The following CAD variants were observed in gnomAD, a reference collection of about 807,000 sequenced individuals.
CAD encodes carbamoyl-phosphate synthetase 2, aspartate transcarbamylase, and dihydroorotase.
A neutral mutation model predicts 237.2 loss-of-function variants in CAD; 81 were observed. The ratio of observed to expected loss-of-function variants is 0.34; its 90% CI spans 0.29 to 0.41. The LOEUF (loss-of-function observed/expected upper bound fraction) is 0.41. Among genes scored for constraint, CAD ranks in the 10% least tolerant of loss-of-function variants. The pLI, the probability that CAD is intolerant of heterozygous loss-of-function variation, is 1.00. For missense variants in CAD, 2,181 were observed against 2,951.7 expected, an observed-to-expected ratio of 0.74 and a Z score of 6.05; for synonymous variants, 1,196 against 1,162.8, an observed-to-expected ratio of 1.03 and a Z score of -0.58.
In CAD at chr2:27,236,328, G is replaced by A. The variant is rs1405252664; in HGVS notation, c.4119G>A (p.Glu1373=). The A allele has an allele frequency of 6.2e-7, 1 of 1,614,180 alleles. No homozygotes were observed. ...ACTTTGAGGAGGCTGTGGATGGTGA[G>A]TGCCCACCACAGCGGAGCATCCTGG... The part of the protein sequence containing the change: ...DWHFEEAVDG[E]CPPQRSILEQ... The change falls in exon 26 of 44, where the codon GAG becomes GAA. Residue 1373 remains glutamate (E), a synonymous_variant. Transcript: ENST00000264705. This position sits in a 1 kb window ranked among gnomAD's most constrained non-coding sequence, Gnocchi z 4.1.
chr2:27,220,481 A>G (rs1400984825), intron 2 of CAD, among the ~76,000 whole-genome samples: 1 of 146,778 alleles, frequency 6.8e-6, no homozygotes, highest in African/African-American at 2.7e-5. Context: ...AGACGCTGTC[A>G]CTACAAAAAA....
rs367810669 is a variant in CAD at position 27,226,212 on chromosome 2, G to A, written c.1924G>A (p.Asp642Asn). The A allele has an allele frequency of 5.0e-6, 8 of 1,614,052 alleles. No individual in the cohort carries two copies. Among genetic ancestry groups the A allele is most frequent in the African/African-American group, 4.0e-5 (3 of 74,942 alleles). ...GGTGGCCCCTAGCCAGACACTGAAT[G>A]ACAGGGAGTATCAGCTCCTGAGGCA... ...IVVAPSQTLN[D>N]REYQLLRQTA... The change falls in exon 13 of 44, where the codon GAC becomes AAC. Residue 642 changes from aspartate (D) to asparagine (N), a missense_variant. Physicochemically the swap from Asp to Asn is conservative, Grantham distance 23 (BLOSUM62 1). Coordinates refer to ENST00000264705, the MANE Select transcript of CAD (RefSeq NM_004341.5).
In CAD at chr2:27,232,161, A is replaced by G; in HGVS notation, c.2582A>G (p.Asp861Gly). ...EQHRGQPLPP[D>G]LLQQAKCLGF... ...CACCGTGGACAGCCTTTGCCGCCAG[A>G]CCTGCTGCAACAGGCCAAGTGTCTT... The change falls in exon 17 of 44, where the codon GAC (aspartate) becomes GGC (glycine). Residue 861 changes from aspartate (D) to glycine (G), a missense_variant. Coordinates refer to ENST00000264705, the MANE Select transcript of CAD (RefSeq NM_004341.5). This position sits in a 1 kb window ranked among gnomAD's most constrained non-coding sequence, Gnocchi z 4.1. 6.2e-7 allele frequency: 1 copy of G among 1,614,232 alleles called. No homozygotes were observed. Among genetic ancestry groups the G allele is most frequent in the Non-Finnish European group, 8.5e-7 (1 of 1,180,034 alleles).
chr2:27,221,131 A>G (rs995946311), intron 2 of CAD, 87 bp from the exon 3 acceptor site: 14 of 1,210,560 alleles, frequency 1.2e-5, no homozygotes, highest in Non-Finnish European at 1.2e-5. Context: ...ATGTGGCTGA[A>G]TATAGGGTCT....
intron 11 of CAD, 87 bp from the exon 12 acceptor site, chr2:27,225,618 T>G: frequency 4.7e-6 from 5 of 1,063,290 alleles, no homozygotes; most frequent in African/African-American, 1.6e-5. Context: ...AGCCATGTTA[T>G]TTTCTTTATA....
intron 1 of CAD, 35 bp downstream of exon 1, chr2:27,217,668 C>A: frequency 6.5e-7 from 1 of 1,546,402 alleles, no homozygotes; most frequent in South Asian, 1.2e-5. Flanking sequence ...GACCTTATCC[C>A]ACTCTGTGAT....
chr2:27,242,279 C>T lies in CAD; in HGVS notation c.6097-23C>T. ...TGGGGGGCCTCTGAGCTGCAAAAGACAGGATTTTCCCCTTTTTTCCAGCTG... is the reference window on the plus strand; with the variant it reads ...TGGGGGGCCTCTGAGCTGCAAAAGATAGGATTTTCCCCTTTTTTCCAGCTG... On this transcript the variant is annotated intron_variant, in intron 39 of 43. Coordinates refer to ENST00000264705, the MANE Select transcript of CAD (RefSeq NM_004341.5). This position sits in a 1 kb window ranked among gnomAD's most constrained non-coding sequence, Gnocchi z 6.4. 1.2e-6 allele frequency: 2 copies of T among 1,600,434 alleles called. No individual in the cohort carries two copies. The highest frequency in any genetic ancestry group is 2.2e-5 in the South Asian group (2 of 90,020).
chr2:27,227,382 G>C, intron 15 of CAD: 1 of 168,734 alleles, frequency 5.9e-6, no homozygotes, highest in Admixed American at 5.9e-5. Flanking sequence ...ATGTTTCTTT[G>C]TGGTATCCCT....
In CAD at chr2:27,239,384, C is replaced by T; in HGVS notation, c.5307C>T (p.Ala1769=). 6.2e-7 allele frequency: 1 copy of T among 1,614,082 alleles called. No individual in the cohort carries two copies. Among genetic ancestry groups the T allele is most frequent in the Non-Finnish European group, 8.5e-7 (1 of 1,179,970 alleles). Residue 1769 remains alanine (A), a synonymous_variant, in exon 33 of 44, where the codon GCC becomes GCT. Transcript: ENST00000264705. The surrounding 1 kb of genome is among the most constrained non-coding windows in gnomAD (Gnocchi z 4.0). ...TIPSHMPFSK[A]HWTPFEGQKV... Reference sequence around the variant, plus strand: ...CCAGCCACATGCCCTTCTCCAAGGCCCACTGGACACCTTTTGAAGGGCAGA... The same window carrying T: ...CCAGCCACATGCCCTTCTCCAAGGCTCACTGGACACCTTTTGAAGGGCAGA...
Position 27,232,017 on chromosome 2 carries a change from T to C in CAD, c.2438T>C (p.Val813Ala), listed in dbSNP as rs1415525706. 6.2e-7 allele frequency: 1 copy of C among 1,614,248 alleles called. No homozygotes were observed. The highest frequency in any genetic ancestry group is 8.5e-7 in the Non-Finnish European group (1 of 1,180,040). Residue 813 changes from valine (V) to alanine (A), a missense_variant, in exon 17 of 44, where the codon GTG becomes GCG. Physicochemically the swap from Val to Ala is moderately conservative, Grantham distance 64. This residue lies in a region of CAD where 385 missense variants were observed against 535.1 expected (regional missense o/e 0.72). Transcript: ENST00000264705. This position sits in a 1 kb window ranked among gnomAD's most constrained non-coding sequence, Gnocchi z 4.1. ...ETPTDKRIFV[V>A]AAALWAGYSV... ...CCAACAGATAAGCGGATTTTTGTGG[T>C]GGCAGCTGCTTTGTGGGCTGGTTAT...
At position 27,242,778 on chromosome 2, in the gene CAD, G is replaced by A; in HGVS notation, c.6378+3G>A. The stretch of plus-strand genomic sequence containing the variant: ...TGGCCTCCCGCGGCACCAAGCAGGT[G>A]AGACCCTCACAGCCCTGCCTGGAAG... On this transcript the variant is annotated splice_donor_region_variant and intron_variant, in intron 41 of 43. Coordinates refer to ENST00000264705, the MANE Select transcript of CAD (RefSeq NM_004341.5). This position sits in a 1 kb window ranked among gnomAD's most constrained non-coding sequence, Gnocchi z 6.4. 3.1e-6 allele frequency: 5 copies of A among 1,614,228 alleles called. No homozygotes were observed. Among genetic ancestry groups the A allele is most frequent in the Non-Finnish European group, 4.2e-6 (5 of 1,180,038 alleles).
chr2:27,225,309 T>TTTC, intron 11 of CAD, 66 bp downstream of exon 11: 1 of 946,896 alleles, frequency 1.1e-6, no homozygotes, highest in Non-Finnish European at 1.5e-6. Flanking sequence ...TTTTCTTTTT[T>TTTC]TTTTTTTTTT....
In CAD at chr2:27,224,566, G is replaced by A. The variant is rs1020316264; in HGVS notation, c.1254+76G>A. 7 of 1,573,056 alleles carry A rather than the reference G, an allele frequency of 4.4e-6. No individual in the cohort carries two copies. In the African/African-American group the frequency reaches 6.8e-5, roughly 15 times the overall value. ...AAAGGGTCTTAAGGAGAAGGGCTAA[G>A]GTTGCAGGGAGGAAATGAACCAGAT... is the stretch of plus-strand genomic sequence containing the variant. On this transcript the variant is annotated intron_variant, in intron 9 of 43. Transcript: ENST00000264705.
Position 27,236,011 on chromosome 2 carries a change from G to T in CAD, c.4075-273G>T. On this transcript the variant is annotated intron_variant, in intron 25 of 43. Transcript: ENST00000264705. The surrounding 1 kb of genome is among the most constrained non-coding windows in gnomAD (Gnocchi z 4.1). ...AGTCTCTTAAAATCTCTGTACCACT[G>T]TTCTGATATTTTTCCTTCCAGGATT... 2 of 536,708 alleles carry T rather than the reference G, an allele frequency of 3.7e-6. No individual in the cohort carries two copies. The highest frequency in any genetic ancestry group is 6.6e-6 in the Non-Finnish European group (2 of 303,156). The allele number at this position is 536,708 out of a possible 1,614,324, so 33.2% of individuals were successfully genotyped here. A position where few individuals can be genotyped will look rare whatever the true frequency, so the allele number is the denominator to read the frequency against.
At position 27,240,407 on chromosome 2, in the gene CAD, T is replaced by C. The variant is rs1676258451; in HGVS notation, c.5593+46T>C. The C allele has an allele frequency of 8.3e-6, 13 of 1,565,506 alleles. No individual in the cohort carries two copies. Among genetic ancestry groups the C allele is most frequent in the African/African-American group, 1.4e-5 (1 of 74,038 alleles). On this transcript the variant is annotated intron_variant, in intron 35 of 43. Coordinates refer to ENST00000264705, the MANE Select transcript of CAD (RefSeq NM_004341.5). The surrounding 1 kb of genome is among the most constrained non-coding windows in gnomAD (Gnocchi z 4.6). ...ACTCAGAGACTGTGTAGGGACAGGA[T>C]CCACTTCTTCCCAGTGCCTCGCCTT...
At position 27,218,029 on chromosome 2, in the gene CAD, A is replaced by C; in HGVS notation, c.222+13A>C. Reference sequence around the variant, plus strand: ...CGGTCTCTGCAAGGTAGCCACACCCAGTGCTTTCTCTACATTCCTTTTCAA... The same window carrying C: ...CGGTCTCTGCAAGGTAGCCACACCCCGTGCTTTCTCTACATTCCTTTTCAA... On this transcript the variant is annotated intron_variant, in intron 2 of 43. Coordinates refer to ENST00000264705, the MANE Select transcript of CAD (RefSeq NM_004341.5). The C allele has an allele frequency of 6.3e-7, 1 of 1,582,764 alleles. No homozygotes were observed. Among genetic ancestry groups the C allele is most frequent in the Non-Finnish European group, 8.6e-7 (1 of 1,166,866 alleles).
At position 27,233,616 on chromosome 2, in the gene CAD, C is replaced by T; in HGVS notation, c.3217-10C>T. Reference sequence around the variant, plus strand: ...GTGAACAACTCAGCTAAGCTCCCTGCCTCCTGTAGTCTGCTCGCCAATTCT... The same window carrying T: ...GTGAACAACTCAGCTAAGCTCCCTGTCTCCTGTAGTCTGCTCGCCAATTCT... On this transcript the variant is annotated splice_polypyrimidine_tract_variant and intron_variant, in intron 20 of 43. Transcript: ENST00000264705. This position sits in a 1 kb window ranked among gnomAD's most constrained non-coding sequence, Gnocchi z 6.3. The T allele has an allele frequency of 6.2e-7, 1 of 1,614,062 alleles. No homozygotes were observed. Among genetic ancestry groups the T allele is most frequent in the Non-Finnish European group, 8.5e-7 (1 of 1,180,008 alleles).
intron 7 of CAD, 46 bp downstream of exon 7, chr2:27,223,794 C>G: frequency 6.2e-7 from 1 of 1,600,308 alleles, no homozygotes; most frequent in African/African-American, 1.3e-5. Context: ...GCCCTGTGGG[C>G]CTTGATGATG....
At chr2:27,231,894 C>A in intron 16 of CAD, 86 bp from the exon 17 acceptor site, 2 of 1,527,558 alleles carry the variant, frequency 1.3e-6, no homozygotes, top group Non-Finnish European at 9.0e-7. Flanking sequence ...TACAGTTTCC[C>A]CTTCCTGAGA....
Sources: gnomAD v4.1 joint callset for allele counts (sites outside exome capture counted in the v4.1 genomes callset) on GRCh38, gnomAD v4.1.1 for gene constraint, gnomAD v4.1.1 regional missense constraint, Gnocchi (gnomAD v3.1) non-coding constraint, MANE v1.5 for transcripts, NCBI Gene and HGNC (gene_info 2026-07-23, HGNC 2026-07-21) for gene names.